Variants in KCNIP4 observed in about 807,000 individuals in gnomAD.
KCNIP4 encodes Kv channel-interacting protein 4.
A neutral mutation model predicts 34.0 loss-of-function variants in KCNIP4; 12 were observed. The observed-to-expected ratio is 0.35, with a 90% confidence interval of 0.23 to 0.57. The LOEUF is 0.57. Ranked by LOEUF, KCNIP4 falls within the 20% of genes least tolerant of loss-of-function variation. KCNIP4 has a pLI of 0.83. For synonymous variants in KCNIP4, 124 were observed against 102.2 expected, an observed-to-expected ratio of 1.21 and a Z score of -1.29; for missense variants, 238 against 311.7, an observed-to-expected ratio of 0.76 and a Z score of 1.78.
At chr4:21,089,052 T>C (rs528019946) in intron 1 of KCNIP4, among the ~76,000 whole-genome samples, 2 of 152,186 alleles carry the variant, frequency 1.3e-5, no homozygotes, top group Non-Finnish European at 2.9e-5. Flanking sequence ...TATAACTCTA[T>C]TAAGGAAAGA....
chr4:21,231,958 T>C (rs952352948), intron 1 of KCNIP4, among the ~76,000 whole-genome samples: 3 of 152,160 alleles, frequency 2.0e-5, no homozygotes, highest in Admixed American at 2.0e-4. Context: ...GAAAGGAAGC[T>C]GGCCGATAGA....
At chr4:21,593,963 T>G (rs1216937635) in intron 1 of KCNIP4, among the ~76,000 whole-genome samples, 3 of 152,104 alleles carry the variant, frequency 2.0e-5, no homozygotes, top group African/African-American at 7.2e-5. Flanking sequence ...CAAAATTACT[T>G]CTGAACACCT....
At chr4:21,418,829 T>A (rs764202173) in intron 1 of KCNIP4, among the ~76,000 whole-genome samples, 1 of 152,104 alleles carries the variant, frequency 6.6e-6, no homozygotes, top group African/African-American at 2.4e-5. Flanking sequence ...AAGGCTCCAA[T>A]CATACAGAAA....
chr4:21,248,845 A>AGGTTTG (rs1760479304), intron 1 of KCNIP4, among the ~76,000 whole-genome samples: 1 of 152,114 alleles, frequency 6.6e-6, no homozygotes, highest in Non-Finnish European at 1.5e-5. Flanking sequence ...AGGTTAGTTA[A>AGGTTTG]ACAACTTTCA....
rs187282262 is a variant in KCNIP4 at position 21,755,967 on chromosome 4, T to C, written c.61+192604A>G. On this transcript the variant is annotated intron_variant, in intron 1 of 8. Coordinates refer to ENST00000382152, the MANE Select transcript of KCNIP4 (RefSeq NM_025221.6). Reference sequence around the variant, plus strand: ...TTATTAGAAACTATAAATGGCTCTATCACCTCTGAAACAACATAAGTCACG... The same window carrying C: ...TTATTAGAAACTATAAATGGCTCTACCACCTCTGAAACAACATAAGTCACG... Among the ~76,000 whole-genome samples, 330 of 152,310 alleles carry C rather than the reference T, an allele frequency of 2.2e-3. 1 individual carries two copies. Among genetic ancestry groups the C allele is most frequent in the Admixed American group, 6.6e-3 (101 of 15,300 alleles).
At chr4:21,479,905 A>G (rs1375618628) in intron 1 of KCNIP4, among the ~76,000 whole-genome samples, 1 of 151,846 alleles carries the variant, frequency 6.6e-6, no homozygotes, top group Non-Finnish European at 1.5e-5. Context: ...CACGAGAATC[A>G]TTTAAGAAGT....
At chr4:21,007,160 G>A (rs1738643344) in intron 1 of KCNIP4, among the ~76,000 whole-genome samples, 1 of 152,220 alleles carries the variant, frequency 6.6e-6, no homozygotes, top group South Asian at 2.1e-4. Flanking sequence ...AATGGGGATT[G>A]CACATTGGTG....
chr4:20,891,612 A>T (rs1245076880), intron 1 of KCNIP4, among the ~76,000 whole-genome samples: 1 of 152,100 alleles, frequency 6.6e-6, no homozygotes, highest in Non-Finnish European at 1.5e-5. Flanking sequence ...TCAAAAAACA[A>T]AACAAAACAA....
intron 1 of KCNIP4, among the ~76,000 whole-genome samples, chr4:21,138,092 G>A (rs571233384): frequency 1.5e-4 from 23 of 151,988 alleles, no homozygotes; most frequent in African/African-American, 4.1e-4. Flanking sequence ...GGTTAGTCTC[G>A]AACTCGTGAC....
At chr4:20,818,571 A>G (rs1028272832) in intron 3 of KCNIP4, among the ~76,000 whole-genome samples, 1 of 152,164 alleles carries the variant, frequency 6.6e-6, no homozygotes, top group African/African-American at 2.4e-5. Flanking sequence ...TGAGAGCCTC[A>G]TTCCTCCAAG....
intron 1 of KCNIP4, among the ~76,000 whole-genome samples, chr4:21,147,387 T>C (rs1752437105): frequency 6.6e-6 from 1 of 152,172 alleles, no homozygotes. Context: ...AATAGTTCCT[T>C]TATTAAACTC....
chr4:21,506,139 TGACTATTATGTG>T (rs553943069), intron 1 of KCNIP4, among the ~76,000 whole-genome samples: 98 of 152,262 alleles, frequency 6.4e-4, no homozygotes, highest in Non-Finnish European at 9.6e-4. Context: ...AAATAATTTA[TGACTATTATGTG>T]GACATGTGCT....
chr4:21,325,979 T>A (rs143755308), intron 1 of KCNIP4, among the ~76,000 whole-genome samples: 1 of 152,040 alleles, frequency 6.6e-6, no homozygotes, highest in Admixed American at 6.6e-5. Context: ...ATAATTTCAA[T>A]TGTTTTGAAT....
At chr4:21,784,439 TG>T in intron 1 of KCNIP4, among the ~76,000 whole-genome samples, 1 of 151,298 alleles carries the variant, frequency 6.6e-6, no homozygotes, top group African/African-American at 2.5e-5. Flanking sequence ...AAACATTTTT[TG>T]ATTAAAAAAT....
intron 1 of KCNIP4, among the ~76,000 whole-genome samples, chr4:21,476,531 C>T (rs909364463): frequency 2.6e-5 from 4 of 152,044 alleles, no homozygotes; most frequent in Admixed American, 6.6e-5. Flanking sequence ...TGAGCCCTCA[C>T]CAGTTGGCCA....
intron 1 of KCNIP4, among the ~76,000 whole-genome samples, chr4:21,349,471 G>A (rs1028379008): frequency 2.6e-5 from 4 of 152,120 alleles, no homozygotes; most frequent in African/African-American, 9.7e-5. Flanking sequence ...TAATCTACTA[G>A]TATAGTGCAT....
chr4:21,237,807 G>A (rs1319675167), intron 1 of KCNIP4, among the ~76,000 whole-genome samples: 1 of 152,180 alleles, frequency 6.6e-6, no homozygotes, highest in East Asian at 1.9e-4. Flanking sequence ...GGTACAAGGA[G>A]GAGCTGTTAT....
At chr4:21,749,707 G>A (rs953764954) in intron 1 of KCNIP4, among the ~76,000 whole-genome samples, 20 of 152,146 alleles carry the variant, frequency 1.3e-4, no homozygotes, top group South Asian at 6.2e-4. Context: ...CTATACTGCC[G>A]TCACACTGAG....
intron 1 of KCNIP4, among the ~76,000 whole-genome samples, chr4:21,941,855 T>A (rs1238037528): frequency 6.6e-6 from 1 of 152,222 alleles, no homozygotes; most frequent in Non-Finnish European, 1.5e-5. Flanking sequence ...TATATTTATA[T>A]CCATGTTCAA....
Sources: gnomAD v4.1 joint callset for allele counts (sites outside exome capture counted in the v4.1 genomes callset) on GRCh38, gnomAD v4.1.1 for gene constraint, MANE v1.5 for transcripts, NCBI Gene and HGNC (gene_info 2026-07-23, HGNC 2026-07-21) for gene names.